The following COQ10B variants were observed in gnomAD, a reference collection of about 807,000 sequenced individuals.
COQ10B encodes the protein coenzyme Q10B.
A neutral mutation model predicts 27.6 loss-of-function variants in COQ10B; 12 were observed. The ratio of observed to expected loss-of-function variants is 0.43; its 90% CI spans 0.28 to 0.70. The LOEUF is 0.70. Among genes scored for constraint, COQ10B ranks in the 30% least tolerant of loss-of-function variants. The pLI, the probability that COQ10B is intolerant of heterozygous loss-of-function variation, is 0.17. For missense variants in COQ10B, 278 were observed against 288.7 expected, an observed-to-expected ratio of 0.96 and a Z score of 0.27; for synonymous variants, 115 against 103.0, an observed-to-expected ratio of 1.12 and a Z score of -0.71.
Position 197,473,804 on chromosome 2 carries a change from CT to C in COQ10B, c.603del (p.Phe201LeufsTer5). 1.3e-6 allele frequency: 2 copies of C among 1,595,688 alleles called. No individual in the cohort carries two copies. Among genetic ancestry groups the C allele is most frequent in the Non-Finnish European group, 1.7e-6 (2 of 1,168,794 alleles). The stretch of plus-strand genomic sequence containing the variant: ...TTCTACATTCCCAGCTTGCCACACT[CT>C]TTTTTGATGAAGTTGTGAAGCAGAT... ...SLLHSQLATL[F>X]FDEVVKQMVA... On this transcript the variant is annotated frameshift_variant, in exon 5 of 5. Coordinates refer to ENST00000263960, the MANE Select transcript of COQ10B (RefSeq NM_025147.5). LOFTEE classifies it high-confidence loss of function.
At chr2:197,471,117 T>G (rs978051787) in intron 4 of COQ10B, among the ~76,000 whole-genome samples, 2 of 152,134 alleles carry the variant, frequency 1.3e-5, no homozygotes, top group Admixed American at 1.3e-4. Flanking sequence ...TTTTTTTCAT[T>G]TTTTTGCATC....
chr2:197,457,700 C>T (rs1465094901), intron 1 of COQ10B, among the ~76,000 whole-genome samples: 1 of 151,746 alleles, frequency 6.6e-6, no homozygotes, highest in Non-Finnish European at 1.5e-5. Flanking sequence ...CGGCTCACTG[C>T]AACCTCCGCG....
intron 1 of COQ10B, among the ~76,000 whole-genome samples, chr2:197,458,467 T>C (rs1056127493): frequency 1.3e-5 from 2 of 152,166 alleles, no homozygotes; most frequent in Non-Finnish European, 2.9e-5. Context: ...CTTCAGCACT[T>C]TTTTGAATCA....
At chr2:197,455,302 A>G (rs1559290191) in intron 1 of COQ10B, among the ~76,000 whole-genome samples, 1 of 152,092 alleles carries the variant, frequency 6.6e-6, no homozygotes. Flanking sequence ...CACAGTAGTT[A>G]AGATACAGAA....
At chr2:197,457,179 T>C (rs757252958) in intron 1 of COQ10B, among the ~76,000 whole-genome samples, 1 of 152,144 alleles carries the variant, frequency 6.6e-6, no homozygotes, top group Non-Finnish European at 1.5e-5. Flanking sequence ...CAGGCGGTAA[T>C]ACTCACCTCC....
intron 4 of COQ10B, among the ~76,000 whole-genome samples, chr2:197,472,073 A>G (rs2085883315): frequency 6.6e-6 from 1 of 151,996 alleles, no homozygotes; most frequent in African/African-American, 2.4e-5. Flanking sequence ...ATGGTTATTG[A>G]AGACATTAAA....
chr2:197,472,800 CAAAAAAAAAAAAAA>C (rs34942079), intron 4 of COQ10B, among the ~76,000 whole-genome samples: 1 of 96,060 alleles, frequency 1.0e-5, no homozygotes, highest in Non-Finnish European at 2.0e-5. Context: ...GGCTCCATCT[CAAAAAAAAAAAAAA>C]AAAAAAAGAA....
At chr2:197,462,002 G>A (rs1206305478) in intron 2 of COQ10B, among the ~76,000 whole-genome samples, 1 of 151,956 alleles carries the variant, frequency 6.6e-6, no homozygotes, top group Non-Finnish European at 1.5e-5. Flanking sequence ...GGGCGCGGTG[G>A]CTCATGCCTG....
chr2:197,466,716 T>C (rs1419279755), intron 3 of COQ10B, among the ~76,000 whole-genome samples: 1 of 152,184 alleles, frequency 6.6e-6, no homozygotes, highest in Non-Finnish European at 1.5e-5. Flanking sequence ...CTGCATTAGA[T>C]GATCATAGCT....
chr2:197,471,139 A>C (rs1460048502), intron 4 of COQ10B, among the ~76,000 whole-genome samples: 1 of 152,056 alleles, frequency 6.6e-6, no homozygotes, highest in East Asian at 1.9e-4. Context: ...AGAGTCTGGT[A>C]ACTTTCTTTT....
At chr2:197,465,173 C>T (rs973792326) in intron 3 of COQ10B, among the ~76,000 whole-genome samples, 1 of 152,106 alleles carries the variant, frequency 6.6e-6, no homozygotes, top group African/African-American at 2.4e-5. Flanking sequence ...GTGTGAACCA[C>T]CGCACCCATC....
intron 4 of COQ10B, among the ~76,000 whole-genome samples, chr2:197,471,324 T>C (rs906674133): frequency 1.3e-5 from 2 of 151,996 alleles, no homozygotes; most frequent in Non-Finnish European, 2.9e-5. Context: ...GTATTCTATG[T>C]AGGGATGGGG....
chr2:197,460,399 G>T (rs2085744401), intron 2 of COQ10B, among the ~76,000 whole-genome samples: 1 of 151,838 alleles, frequency 6.6e-6, no homozygotes, highest in South Asian at 2.1e-4. Flanking sequence ...CACTGTGTTG[G>T]CCAGGCTGGT....
Position 197,453,635 on chromosome 2 carries a change from CG to C in COQ10B, c.79del (p.Ala27ArgfsTer11). 6.2e-7 allele frequency: 1 copy of C among 1,613,948 alleles called. No individual in the cohort carries two copies. Among genetic ancestry groups the C allele is most frequent in the Non-Finnish European group, 8.5e-7 (1 of 1,179,976 alleles). ...GCRPKSATAA[G>X]AQAPVRNGRY... ...GCCGTCCGAAGTCGGCGACAGCGGCCGGGGCGCAGGCGCCCGTGCGGAATGG... is the reference window on the plus strand; with the variant it reads ...GCCGTCCGAAGTCGGCGACAGCGGCCGGGCGCAGGCGCCCGTGCGGAATGG... On this transcript the variant is annotated frameshift_variant, in exon 1 of 5. Coordinates refer to ENST00000263960, the MANE Select transcript of COQ10B (RefSeq NM_025147.5). LOFTEE classifies it high-confidence loss of function.
chr2:197,468,012 C>T (rs1472018368), intron 3 of COQ10B, among the ~76,000 whole-genome samples: 1 of 152,182 alleles, frequency 6.6e-6, no homozygotes, highest in Non-Finnish European at 1.5e-5. Context: ...ATGACAGCTT[C>T]TACTATTCAG....
In COQ10B at chr2:197,462,689, A is replaced by G; in HGVS notation, c.405A>G (p.Arg135=). The G allele has an allele frequency of 6.3e-7, 1 of 1,597,416 alleles. No individual in the cohort carries two copies. The highest frequency in any genetic ancestry group is 8.5e-7 in the Non-Finnish European group (1 of 1,174,336). The part of the protein sequence containing the change: ...LEIGFPPVLE[R]YTSVVTLVKP... ...TTGGATTTCCACCTGTGTTGGAGCG[A>G]TATACATCAGTAGTAACCTTGGTGA... Residue 135 remains arginine (R), a synonymous_variant, in exon 3 of 5, where the codon CGA becomes CGG. Coordinates refer to ENST00000263960, the MANE Select transcript of COQ10B (RefSeq NM_025147.5).
At chr2:197,471,422 G>A (rs1030919411) in intron 4 of COQ10B, among the ~76,000 whole-genome samples, 9 of 152,096 alleles carry the variant, frequency 5.9e-5, no homozygotes, top group African/African-American at 1.7e-4. Flanking sequence ...GATTACAGGC[G>A]TGAGCCACCG....
chr2:197,464,165 A>G (rs1252419686), intron 3 of COQ10B, among the ~76,000 whole-genome samples: 5 of 150,594 alleles, frequency 3.3e-5, no homozygotes, highest in Non-Finnish European at 5.9e-5. Context: ...CTGCTCTTAC[A>G]TTATATTAAT....
intron 3 of COQ10B, among the ~76,000 whole-genome samples, chr2:197,465,566 A>G (rs1228838590): frequency 6.6e-6 from 1 of 152,004 alleles, no homozygotes; most frequent in Non-Finnish European, 1.5e-5. Flanking sequence ...TGCTGGGATT[A>G]CAGCCATAAG....
Sources: gnomAD v4.1 joint callset for allele counts (sites outside exome capture counted in the v4.1 genomes callset) on GRCh38, gnomAD v4.1.1 for gene constraint, MANE v1.5 for transcripts, NCBI Gene and HGNC (gene_info 2026-07-23, HGNC 2026-07-21) for gene names.